PRKN: variants seen among roughly 807,000 people sequenced by gnomAD.
The protein encoded by PRKN is parkin RBR E3 ubiquitin protein ligase, also known as E3 ubiquitin-protein ligase parkin.
PRKN carries 56 observed loss-of-function variants against 59.5 expected under a neutral mutation model. The ratio of observed to expected loss-of-function variants is 0.94; its 90% CI spans 0.76 to 1.18. PRKN has a LOEUF of 1.18. Among genes scored for constraint, PRKN ranks in the 50% most tolerant of loss-of-function variants. PRKN has a pLI of 0.00. For missense variants in PRKN, 657 were observed against 596.4 expected, an observed-to-expected ratio of 1.10 and a Z score of -1.06; for synonymous variants, 250 against 222.1, an observed-to-expected ratio of 1.13 and a Z score of -1.12.
intron 6 of PRKN, among the ~76,000 whole-genome samples, chr6:161,893,101 A>G (rs1777475236): frequency 6.6e-6 from 1 of 152,224 alleles, no homozygotes; most frequent in African/African-American, 2.4e-5. Flanking sequence ...TCAGTCTCCC[A>G]AAGTGCTGGG....
chr6:161,681,729 C>T (rs1037693734), intron 7 of PRKN, among the ~76,000 whole-genome samples: 8 of 152,136 alleles, frequency 5.3e-5, no homozygotes, highest in African/African-American at 1.9e-4. Context: ...AGTGCATGGC[C>T]GATGACACAG....
chr6:161,591,061 G>T (rs994751513), intron 7 of PRKN, among the ~76,000 whole-genome samples: 1 of 152,032 alleles, frequency 6.6e-6, no homozygotes, highest in South Asian at 2.1e-4. Context: ...AGATTACTCC[G>T]GTATTGAGAA....
chr6:162,627,508 T>C (rs1782942567), intron 1 of PRKN, among the ~76,000 whole-genome samples: 1 of 152,080 alleles, frequency 6.6e-6, no homozygotes, highest in African/African-American at 2.4e-5. Flanking sequence ...GTAGGATCAA[T>C]TTCTTTTTCT....
intron 4 of PRKN, among the ~76,000 whole-genome samples, chr6:162,114,011 G>C (rs1780557832): frequency 6.6e-6 from 1 of 151,640 alleles, no homozygotes; most frequent in Non-Finnish European, 1.5e-5. Context: ...GTTTGTCAAA[G>C]ATCAGATAGT....
chr6:161,674,668 G>A (rs1290163191), intron 7 of PRKN, among the ~76,000 whole-genome samples: 1 of 152,146 alleles, frequency 6.6e-6, no homozygotes, highest in Admixed American at 6.6e-5. Context: ...CCCTAACACT[G>A]ACATTTATGA....
chr6:162,088,560 A>G (rs903363895), intron 4 of PRKN, among the ~76,000 whole-genome samples: 1 of 152,188 alleles, frequency 6.6e-6, no homozygotes, highest in Admixed American at 6.5e-5. Flanking sequence ...AGAGATTACA[A>G]TCTGGATCCT....
chr6:162,650,519 C>A (rs7762681), intron 1 of PRKN, among the ~76,000 whole-genome samples: 133,624 of 146,096 alleles, frequency 0.91, 61,266 homozygotes, highest in Admixed American at 0.97. Context: ...AATGGCGTGA[C>A]CCCGGGAGGC....
chr6:161,500,576 C>T (rs1437173790), intron 9 of PRKN, among the ~76,000 whole-genome samples: 1 of 152,158 alleles, frequency 6.6e-6, no homozygotes, highest in Non-Finnish European at 1.5e-5. Flanking sequence ...TTCAGATTGG[C>T]ATCTTTCACT....
chr6:161,591,756 C>T (rs1211714457), intron 7 of PRKN, among the ~76,000 whole-genome samples: 1 of 152,134 alleles, frequency 6.6e-6, no homozygotes, highest in Non-Finnish European at 1.5e-5. Flanking sequence ...TTCTGTACAG[C>T]CTATTCTATG....
intron 5 of PRKN, among the ~76,000 whole-genome samples, chr6:161,999,395 C>T (rs977460390): frequency 1.3e-5 from 2 of 152,090 alleles, no homozygotes; most frequent in African/African-American, 4.8e-5. Context: ...AAAAGAGTGA[C>T]TGTCCCTACC....
At position 161,487,439 on chromosome 6, in the gene PRKN, G is replaced by A. The variant is rs1020397911; in HGVS notation, c.1083+61415C>T. On this transcript the variant is annotated intron_variant, in intron 9 of 11. Transcript: ENST00000366898. This position sits in a 1 kb window ranked among gnomAD's most constrained non-coding sequence, Gnocchi z 5.3. ...GAATTTTCTAGAACTAAGAGTGTGT[G>A]TTGGGAAGGTAATGAGATGGGTTTG... Among the ~76,000 whole-genome samples, 1 of 152,166 alleles carries A rather than the reference G, an allele frequency of 6.6e-6. No homozygotes were observed. The highest frequency in any genetic ancestry group is 2.1e-4 in the South Asian group (1 of 4,832).
At chr6:161,573,592 C>T (rs9355911) in intron 7 of PRKN, among the ~76,000 whole-genome samples, 90,691 of 147,600 alleles carry the variant, frequency 0.61, 28,222 homozygotes, top group African/African-American at 0.7. Context: ...TGGTGGCGGG[C>T]GCCTGTAGTC....
At chr6:161,827,509 CTTTTTTTTT>C (rs5881438) in intron 6 of PRKN, among the ~76,000 whole-genome samples, 2,225 of 124,930 alleles carry the variant, frequency 0.018, 55 homozygotes, top group East Asian at 0.082. Flanking sequence ...ATTGATTTTA[CTTTTTTTTT>C]TTTTTTTTTG....
intron 3 of PRKN, among the ~76,000 whole-genome samples, chr6:162,208,637 C>G (rs1478895004): frequency 6.6e-6 from 1 of 152,122 alleles, no homozygotes; most frequent in South Asian, 2.1e-4. Context: ...TAACAAAGTA[C>G]AAAGCCAAAA....
chr6:162,040,572 A>ATTTTTTT (rs35272845), intron 5 of PRKN, among the ~76,000 whole-genome samples: 1 of 113,082 alleles, frequency 8.8e-6, no homozygotes, highest in Non-Finnish European at 1.8e-5. Flanking sequence ...ATGCCCGGCT[A>ATTTTTTT]TTTTTTTTTT....
At chr6:162,205,609 G>A (rs1348944482) in intron 3 of PRKN, among the ~76,000 whole-genome samples, 1 of 151,992 alleles carries the variant, frequency 6.6e-6, no homozygotes, top group East Asian at 1.9e-4. Flanking sequence ...AAAACAGCAG[G>A]AACAGGACGG....
chr6:162,401,064 C>A (rs996031111), intron 2 of PRKN, among the ~76,000 whole-genome samples: 6 of 151,886 alleles, frequency 4.0e-5, no homozygotes, highest in African/African-American at 1.5e-4. Flanking sequence ...AACTGATGCT[C>A]AGAGAAAAAT....
At chr6:162,075,991 C>T (rs1778810424) in intron 4 of PRKN, among the ~76,000 whole-genome samples, 2 of 117,796 alleles carry the variant, frequency 1.7e-5, no homozygotes, top group African/African-American at 6.9e-5. Context: ...TTTTTTAAGA[C>T]AGAGTCTCAC....
In PRKN at chr6:161,440,783, G is replaced by A. The variant is rs554998408; in HGVS notation, c.1084-53906C>T. Among the ~76,000 whole-genome samples the A allele has an allele frequency of 2.0e-5, 3 of 152,268 alleles. No homozygotes were observed. The highest frequency in any genetic ancestry group is 4.4e-5 in the Non-Finnish European group (3 of 68,022). ...TCCCTGACATCATTCAGGACTGAAG[G>A]TAGAAAGTAGAATGGCCCTGGGTTT... On this transcript the variant is annotated intron_variant, in intron 9 of 11. Coordinates refer to ENST00000366898, the MANE Select transcript of PRKN (RefSeq NM_004562.3). This position sits in a 1 kb window ranked among gnomAD's most constrained non-coding sequence, Gnocchi z 4.1.
Sources: gnomAD v4.1 joint callset for allele counts (sites outside exome capture counted in the v4.1 genomes callset) on GRCh38, gnomAD v4.1.1 for gene constraint, Gnocchi (gnomAD v3.1) non-coding constraint, MANE v1.5 for transcripts, NCBI Gene and HGNC (gene_info 2026-07-23, HGNC 2026-07-21) for gene names.